Variants in BRAP observed in about 807,000 individuals in gnomAD.
BRAP encodes BRCA1 associated protein.
BRAP carries 42 observed loss-of-function variants against 73.4 expected under a neutral mutation model. The observed-to-expected ratio is 0.57, with a 90% confidence interval of 0.45 to 0.74. The LOEUF (loss-of-function observed/expected upper bound fraction) is 0.74, where lower values mean the gene tolerates loss of function less well. Among genes scored for constraint, BRAP ranks in the 30% least tolerant of loss-of-function variants. The pLI is 0.00. For synonymous variants in BRAP, 255 were observed against 267.4 expected, an observed-to-expected ratio of 0.95 and a Z score of 0.45; for missense variants, 593 against 751.4, an observed-to-expected ratio of 0.79 and a Z score of 2.46.
chr12:111,659,091 G>T, intron 8 of BRAP, 116 bp downstream of exon 8: 1 of 1,306,368 alleles, frequency 7.7e-7, no homozygotes, highest in Non-Finnish European at 1.0e-6. Flanking sequence ...TGAGAATTTG[G>T]GTTTGCAACA....
At chr12:111,684,632 A>C (rs1419056279) in intron 1 of BRAP, among the ~76,000 whole-genome samples, 1 of 151,986 alleles carries the variant, frequency 6.6e-6, no homozygotes, top group Non-Finnish European at 1.5e-5. Flanking sequence ...GATTCAGCAC[A>C]CAAGGAAGGC....
rs773566293 is a variant in BRAP, at chr12:111,672,762, T to C, written c.646A>G (p.Ser216Gly). 1.2e-6 allele frequency: 2 copies of C among 1,613,936 alleles called. No homozygotes were observed. The highest frequency in any genetic ancestry group is 1.7e-6 in the Non-Finnish European group (2 of 1,179,960). ...CGGCCATTGCATGTCATATAAAAACTATCCGCATCAGCCTATGTACACCAA... is the reference window on the plus strand; with the variant it reads ...CGGCCATTGCATGTCATATAAAAACCATCCGCATCAGCCTATGTACACCAA... ...IKFRAQADAD[S>G]FYMTCNGRQF... The change falls in exon 5 of 12, where the codon AGT becomes GGT. Residue 216 changes from serine (S) to glycine (G), a missense_variant. By Grantham distance (56) the Ser-to-Gly change is moderately conservative. This residue lies in a region of BRAP where 304 missense variants were observed against 337.7 expected (regional missense o/e 0.90). Coordinates refer to ENST00000419234, the MANE Select transcript of BRAP (RefSeq NM_006768.5).
chr12:111,649,310 G>A (rs2135894521), intron 11 of BRAP, among the ~76,000 whole-genome samples: 1 of 152,144 alleles, frequency 6.6e-6, no homozygotes, highest in Admixed American at 6.6e-5. Flanking sequence ...GCGCCACCAT[G>A]CCCAGCTCAT....
intron 5 of BRAP, chr12:111,669,815 T>G (rs964421152): frequency 1.8e-6 from 1 of 544,758 alleles, no homozygotes; most frequent in Non-Finnish European, 3.1e-6. Flanking sequence ...CTTTTAAGTT[T>G]ACACCCACCC....
intron 3 of BRAP, 50 bp from the exon 4 acceptor site, chr12:111,679,390 T>C (rs772584586): frequency 1.5e-6 from 2 of 1,307,044 alleles, no homozygotes; most frequent in South Asian, 2.1e-5. Context: ...TATGGTTAGT[T>C]TAAACAATAC....
chr12:111,662,801 C>T (rs1249643071), intron 6 of BRAP, among the ~76,000 whole-genome samples: 1 of 151,822 alleles, frequency 6.6e-6, no homozygotes, highest in Non-Finnish European at 1.5e-5. Context: ...TCCCTTCGGT[C>T]TGTGTGGTGG....
Position 111,672,647 on chromosome 12 carries a change from C to G in BRAP, c.747+14G>C, listed in dbSNP as rs773854166. The G allele has an allele frequency of 6.3e-7, 1 of 1,594,828 alleles. No homozygotes were observed. Among genetic ancestry groups the G allele is most frequent in the East Asian group, 2.2e-5 (1 of 44,752 alleles). ...GATATATTTTAATTAAATATAGGAA[C>G]AATTCACACTTACATCTTCAGATTT... On this transcript the variant is annotated intron_variant, in intron 5 of 11. Transcript: ENST00000419234.
intron 6 of BRAP, among the ~76,000 whole-genome samples, chr12:111,663,528 A>G (rs188936082): frequency 6.6e-6 from 1 of 152,090 alleles, no homozygotes; most frequent in African/African-American, 2.4e-5. Flanking sequence ...ATTTTATCCT[A>G]TTTTCCTGAT....
Position 111,683,282 on chromosome 12 carries a change from T to A in BRAP, c.108A>T (p.Ile36=). The A allele has an allele frequency of 6.2e-7, 1 of 1,612,414 alleles. No individual in the cohort carries two copies. The highest frequency in any genetic ancestry group is 8.5e-7 in the Non-Finnish European group (1 of 1,179,588). The change falls in exon 2 of 12, where the codon ATA becomes ATT. Residue 36 remains isoleucine, a synonymous_variant. Coordinates refer to ENST00000419234, the MANE Select transcript of BRAP (RefSeq NM_006768.5). ...CAGCTGAGGCTAGTGTCGTCTTTTT[T>A]ATCTCCTCATCAGACATTTCCCCGG... ...AAAGEMSDEE[I]KKTTLASAVA...
chr12:111,661,758 C>G (rs572422466), intron 6 of BRAP, among the ~76,000 whole-genome samples: 3 of 149,146 alleles, frequency 2.0e-5, no homozygotes, highest in Non-Finnish European at 4.4e-5. Context: ...GTCACTCAGG[C>G]TAGAGTGCAG....
In BRAP at chr12:111,680,941, A is replaced by G. The variant is rs193199156; in HGVS notation, c.443+696T>C. On this transcript the variant is annotated intron_variant, in intron 3 of 11. Coordinates refer to ENST00000419234, the MANE Select transcript of BRAP (RefSeq NM_006768.5). ...AAAATGGTAAAAAAGAGGTAATAAA[A>G]TTGTAATGAGTTAACTGACTTCTTA... is the stretch of plus-strand genomic sequence containing the variant. 3.7e-4 allele frequency among the ~76,000 whole-genome samples: 56 copies of G among 152,336 alleles called. 1 individual carries two copies. Among genetic ancestry groups the G allele is most frequent in the Admixed American group, 3.1e-3 (48 of 15,296 alleles).
intron 5 of BRAP, among the ~76,000 whole-genome samples, 196 bp downstream of exon 5, chr12:111,672,465 C>G (rs769617962): frequency 1.3e-5 from 2 of 152,084 alleles, no homozygotes; most frequent in Non-Finnish European, 2.9e-5. Flanking sequence ...TTCTAGAACA[C>G]GTCCATCACT....
rs1354860126 is a variant in BRAP at position 111,685,912 on chromosome 12, C to T, written c.-120G>A. ...ACCACCTCAATGCAGTTGCCGCCGCCTCAGCAGCAGCAGCTCCTCGAACAG... is the reference window on the plus strand; with the variant it reads ...ACCACCTCAATGCAGTTGCCGCCGCTTCAGCAGCAGCAGCTCCTCGAACAG... On this transcript the variant is annotated 5_prime_UTR_variant, in exon 1 of 12. Transcript: ENST00000419234. The T allele has an allele frequency of 5.5e-6, 3 of 543,616 alleles. No homozygotes were observed. The highest frequency in any genetic ancestry group is 3.7e-5 in the East Asian group (1 of 26,876). The allele number at this position is 543,616 out of a possible 1,614,324, so 33.7% of individuals were successfully genotyped here.
At chr12:111,662,967 A>C (rs1886810354) in intron 6 of BRAP, among the ~76,000 whole-genome samples, 1 of 150,810 alleles carries the variant, frequency 6.6e-6, no homozygotes, top group Non-Finnish European at 1.5e-5. Flanking sequence ...AAAACAAAAA[A>C]CTAAAAACAA....
At chr12:111,652,077 TAAACTGACTCCTG>T (rs1044589655) in intron 10 of BRAP, among the ~76,000 whole-genome samples, 1 of 152,234 alleles carries the variant, frequency 6.6e-6, no homozygotes. Flanking sequence ...AATTTTCTTC[TAAACTGACTCCTG>T]TCAGTTTAAG....
At position 111,642,797 on chromosome 12, in the gene BRAP, A is replaced by G. The variant is rs772311043; in HGVS notation, c.*1402T>C. ...CTGAGTACATTCATTTTGCAACATT[A>G]CACGTAAAGTTTTTTGGGAAATGCT... On this transcript the variant is annotated 3_prime_UTR_variant, in exon 12 of 12. Transcript: ENST00000419234. The G allele has an allele frequency of 1.3e-5, 2 of 152,194 alleles. No individual in the cohort carries two copies. The highest frequency in any genetic ancestry group is 2.9e-5 in the Non-Finnish European group (2 of 68,042). The allele number at this position is 152,194 out of a possible 1,614,324, so 9.4% of individuals were successfully genotyped here. A position where few individuals can be genotyped will look rare whatever the true frequency, so the allele number is the denominator to read the frequency against.
chr12:111,654,742 C>T (rs1886457011), intron 10 of BRAP, among the ~76,000 whole-genome samples: 1 of 152,192 alleles, frequency 6.6e-6, no homozygotes, highest in South Asian at 2.1e-4. Context: ...CAGAGGTGGG[C>T]CCCAAGCCCA....
chr12:111,663,359 A>C (rs954002709), intron 6 of BRAP, among the ~76,000 whole-genome samples: 1 of 152,136 alleles, frequency 6.6e-6, no homozygotes. Flanking sequence ...AGGCTGAGGC[A>C]CGAGGACTGC....
At chr12:111,676,606 C>G (rs944511191) in intron 4 of BRAP, among the ~76,000 whole-genome samples, 3 of 152,042 alleles carry the variant, frequency 2.0e-5, no homozygotes, top group Non-Finnish European at 4.4e-5. Flanking sequence ...TAGACATAAG[C>G]TTTTACCATG....
Sources: gnomAD v4.1 joint callset for allele counts (sites outside exome capture counted in the v4.1 genomes callset) on GRCh38, gnomAD v4.1.1 for gene constraint, gnomAD v4.1.1 regional missense constraint, MANE v1.5 for transcripts, NCBI Gene and HGNC (gene_info 2026-07-23, HGNC 2026-07-21) for gene names.